ESPNL: variants seen among roughly 807,000 people sequenced by gnomAD.
ESPNL encodes the protein espin like.
A neutral mutation model predicts 46.8 loss-of-function variants in ESPNL; 49 were observed. That is an observed-to-expected ratio of 1.05 (90% confidence interval 0.83 to 1.33). The LOEUF (loss-of-function observed/expected upper bound fraction) is 1.33, where lower values mean the gene tolerates loss of function less well. Ranked by LOEUF, ESPNL falls within the 40% of genes most tolerant of loss-of-function variation. The pLI is 0.00. For missense variants in ESPNL, 1,540 were observed against 1,436.6 expected, an observed-to-expected ratio of 1.07 and a Z score of -1.16; for synonymous variants, 664 against 662.1, an observed-to-expected ratio of 1.00 and a Z score of -0.04.
intron 5 of ESPNL, among the ~76,000 whole-genome samples, chr2:238,117,576 G>A (rs1691844818): frequency 6.6e-6 from 1 of 152,238 alleles, no homozygotes; most frequent in Non-Finnish European, 1.5e-5. Flanking sequence ...CCCTGCAGCA[G>A]CCGGAAGGCA....
Position 238,116,919 on chromosome 2 carries a change from T to G in ESPNL, c.872T>G (p.Val291Gly). 6.2e-7 allele frequency: 1 copy of G among 1,612,556 alleles called. No homozygotes were observed. Among genetic ancestry groups the G allele is most frequent in the Non-Finnish European group, 8.5e-7 (1 of 1,179,808 alleles). Residue 291 changes from valine to glycine, a missense_variant, in exon 5 of 9, where the codon GTC (valine) becomes GGC (glycine). Val to Gly is a moderately radical substitution (Grantham distance 109). Transcript: ENST00000343063. ...NGQMECCQTL[V>G]SHHVDPSLRD... ...TCACTGCAGTGCTGCCAGACCCTAGTCTCCCACCACGTGGACCCCTCCCTG... is the reference window on the plus strand; with the variant it reads ...TCACTGCAGTGCTGCCAGACCCTAGGCTCCCACCACGTGGACCCCTCCCTG...
At chr2:238,106,513 G>A (rs551877807) in intron 3 of ESPNL, among the ~76,000 whole-genome samples, 10 of 152,244 alleles carry the variant, frequency 6.6e-5, no homozygotes, top group African/African-American at 1.4e-4. Context: ...TCCCCACCCC[G>A]GGGCTGCCTC....
At chr2:238,121,033 C>T (rs541064851) in intron 5 of ESPNL, among the ~76,000 whole-genome samples, 9 of 152,298 alleles carry the variant, frequency 5.9e-5, no homozygotes, top group Admixed American at 2.6e-4. Context: ...GGTGCCCCCT[C>T]GGTACCTCCT....
In ESPNL at chr2:238,125,392, C is replaced by T. The variant is rs763479795; in HGVS notation, c.1102+8C>T. ...GGCCAGGGAACCCCAGCCGTGAGTG[C>T]ACAGCCCCAAGTGGGCCACCCAGGG... On this transcript the variant is annotated splice_region_variant and intron_variant, in intron 6 of 8. Coordinates refer to ENST00000343063, the MANE Select transcript of ESPNL (RefSeq NM_194312.4). 1.2e-5 allele frequency: 18 copies of T among 1,508,780 alleles called. No individual in the cohort carries two copies. The highest frequency in any genetic ancestry group is 1.6e-5 in the Non-Finnish European group (18 of 1,122,142). The allele number at this position is 1,508,780 out of a possible 1,614,324, so 93.5% of individuals were successfully genotyped here.
At chr2:238,103,761 C>G (rs896076352) in intron 2 of ESPNL, among the ~76,000 whole-genome samples, 1 of 152,240 alleles carries the variant, frequency 6.6e-6, no homozygotes, top group African/African-American at 2.4e-5. Flanking sequence ...GGGGCACATT[C>G]CATGAGGGAG....
chr2:238,110,104 C>G (rs1171860643), intron 4 of ESPNL, among the ~76,000 whole-genome samples: 1 of 149,726 alleles, frequency 6.7e-6, no homozygotes, highest in Non-Finnish European at 1.5e-5. Flanking sequence ...TCCCAGGATC[C>G]CATTTAAGGT....
intron 7 of ESPNL, 111 bp from the exon 8 acceptor site, chr2:238,128,596 C>T (rs959883258): frequency 9.8e-7 from 1 of 1,017,498 alleles, no homozygotes; most frequent in Admixed American, 2.4e-5. Flanking sequence ...TCTCAGGGCG[C>T]CCTGTTAGCG....
chr2:238,122,626 C>T (rs1692013177), intron 5 of ESPNL, among the ~76,000 whole-genome samples: 3 of 152,214 alleles, frequency 2.0e-5, no homozygotes, highest in South Asian at 2.1e-4. Flanking sequence ...CATAAGAGGG[C>T]GGCTGCCATC....
chr2:238,128,961 T>G (rs953298166), intron 8 of ESPNL, 57 bp downstream of exon 8: 3 of 1,497,584 alleles, frequency 2.0e-6, no homozygotes, highest in East Asian at 5.0e-5. Context: ...TCCAGGTAGG[T>G]GGAAGTGGAA....
chr2:238,115,682 A>G (rs1691799822), intron 4 of ESPNL, among the ~76,000 whole-genome samples: 1 of 152,182 alleles, frequency 6.6e-6, no homozygotes, highest in Non-Finnish European at 1.5e-5. Flanking sequence ...GGGTCTCACA[A>G]CTTGTTTGAG....
At chr2:238,129,272 A>G (rs1237281102) in intron 8 of ESPNL, 5 of 1,134,966 alleles carry the variant, frequency 4.4e-6, no homozygotes, top group Middle Eastern at 3.8e-4. Flanking sequence ...ACTGCTGTGG[A>G]GAAAGCAAAG....
In ESPNL at chr2:238,131,238, C is replaced by CACGTGG; in HGVS notation, c.2528_2533dup (p.Val843_Asp844dup). 6.4e-7 allele frequency: 1 copy of CACGTGG among 1,563,262 alleles called. No individual in the cohort carries two copies. ...TTTGTCCCCCGAGCAGTTCCTGCCC[C>CACGTGG]ACGTGGACGGGGCTCCGGTGCCCTA... On this transcript the variant is annotated inframe_insertion, in exon 9 of 9. Coordinates refer to ENST00000343063, the MANE Select transcript of ESPNL (RefSeq NM_194312.4).
Position 238,130,818 on chromosome 2 carries a change from G to A in ESPNL, c.2104G>A (p.Glu702Lys), listed in dbSNP as rs374735195. 56 of 1,546,044 alleles carry A rather than the reference G, an allele frequency of 3.6e-5. No individual in the cohort carries two copies. The African/African-American group carries it at 3.7e-4, about 10-fold the overall frequency. ...GCCCCGCAGTGGCCTGGCTTCAGGGGAGCCCAGGCCTGGCGACACAGAGGA... is the reference window on the plus strand; with the variant it reads ...GCCCCGCAGTGGCCTGGCTTCAGGGAAGCCCAGGCCTGGCGACACAGAGGA... ...PKPRSGLASG[E>K]PRPGDTEEAS... Residue 702 changes from glutamate to lysine, a missense_variant, in exon 9 of 9, where the codon GAG (glutamate) becomes AAG (lysine). By Grantham distance (56) the Glu-to-Lys change is moderately conservative. Transcript: ENST00000343063.
chr2:238,105,424 A>G (rs1479193518), intron 3 of ESPNL, among the ~76,000 whole-genome samples: 4 of 151,520 alleles, frequency 2.6e-5, no homozygotes, highest in Non-Finnish European at 4.4e-5. Flanking sequence ...GAGGCAGGAG[A>G]AGTGCTTGAA....
intron 5 of ESPNL, among the ~76,000 whole-genome samples, chr2:238,124,600 C>CGT (rs1339455488): frequency 6.8e-6 from 1 of 148,002 alleles, no homozygotes; most frequent in African/African-American, 2.5e-5. Flanking sequence ...GGAGAGTGTA[C>CGT]GTGTGTGTGC....
intron 5 of ESPNL, among the ~76,000 whole-genome samples, chr2:238,118,806 GAATGGATGGAGGAGGA>G: frequency 1.1e-5 from 1 of 88,814 alleles, no homozygotes; most frequent in Non-Finnish European, 2.2e-5. Flanking sequence ...GATGGAGGAG[GAATGGATGGAGGAGGA>G]ATGGATGGAG....
At chr2:238,126,901 T>TGATCGTGTC (rs1559267031) in intron 6 of ESPNL, among the ~76,000 whole-genome samples, 21 of 81,122 alleles carry the variant, frequency 2.6e-4, no homozygotes, top group Middle Eastern at 6.1e-3. Flanking sequence ...GATTGTGTGA[T>TGATCGTGTC]TGTGTGTGTA....
intron 4 of ESPNL, among the ~76,000 whole-genome samples, chr2:238,112,777 G>A (rs999236379): frequency 6.6e-5 from 10 of 152,124 alleles, no homozygotes; most frequent in African/African-American, 1.7e-4. Context: ...TTCCAAATAC[G>A]AAGGTGTTCC....
At chr2:238,108,086 A>G in intron 4 of ESPNL, 113 bp downstream of exon 4, 1 of 1,019,510 alleles carries the variant, frequency 9.8e-7, no homozygotes, top group Non-Finnish European at 1.4e-6. Context: ...TCTTTTACAG[A>G]TAGGTAAACT....
Sources: gnomAD v4.1 joint callset for allele counts (sites outside exome capture counted in the v4.1 genomes callset) on GRCh38, gnomAD v4.1.1 for gene constraint, MANE v1.5 for transcripts, NCBI Gene and HGNC (gene_info 2026-07-23, HGNC 2026-07-21) for gene names.